Variants in RANBP2 observed in about 807,000 individuals in gnomAD.
The protein encoded by RANBP2 is E3 SUMO-protein ligase RanBP2.
In RANBP2, 57 loss-of-function variants were observed where a neutral mutation model predicts 303.6. The observed-to-expected ratio is 0.19, with a 90% CI of 0.15 to 0.23. The LOEUF (loss-of-function observed/expected upper bound fraction) is 0.23. Among genes scored for constraint, RANBP2 ranks in the 10% least tolerant of loss-of-function variants. RANBP2 has a pLI of 1.00. For synonymous variants in RANBP2, 1,167 were observed against 1,301.5 expected, an observed-to-expected ratio of 0.90 and a Z score of 2.23; for missense variants, 3,138 against 3,780.8, an observed-to-expected ratio of 0.83 and a Z score of 4.46.
At chr2:109,395,456 G>A in the RANBP2 span, among the ~76,000 whole-genome samples, 1 of 152,190 alleles carries the variant, frequency 6.6e-6, no homozygotes, top group South Asian at 2.1e-4. Flanking sequence ...AGGGATGCTG[G>A]GGATGCTGAA....
chr2:108,786,370 C>T (rs996256860), downstream of RANBP2, among the ~76,000 whole-genome samples: 3 of 151,634 alleles, frequency 2.0e-5, no homozygotes, highest in Non-Finnish European at 4.4e-5. Flanking sequence ...GCCGGGACTA[C>T]ACGCGCGCCA....
chr2:109,437,052 C>T, the RANBP2 span: 26 of 1,613,830 alleles, frequency 1.6e-5, no homozygotes, highest in Admixed American at 8.3e-5. Flanking sequence ...CCCAGGCCCA[C>T]GCCCAGCACC....
At chr2:109,129,689 C>G in the RANBP2 span, 1 of 1,526,042 alleles carries the variant, frequency 6.6e-7, no homozygotes, top group Non-Finnish European at 8.8e-7. Flanking sequence ...GACGAGTCGT[C>G]GCTGCTGGAC....
At chr2:109,247,841 TC>T in the RANBP2 span, among the ~76,000 whole-genome samples, 1 of 152,326 alleles carries the variant, frequency 6.6e-6, no homozygotes, top group Non-Finnish European at 1.5e-5. Flanking sequence ...TGGCCTGGGT[TC>T]CTCTCCACAT....
the RANBP2 span, among the ~76,000 whole-genome samples, chr2:108,849,857 C>T: frequency 1.3e-5 from 2 of 152,142 alleles, no homozygotes; most frequent in South Asian, 4.1e-4. Flanking sequence ...AAGAAAGAAG[C>T]CTGAATGCTG....
At chr2:109,275,637 C>G in the RANBP2 span, among the ~76,000 whole-genome samples, 1 of 152,206 alleles carries the variant, frequency 6.6e-6, no homozygotes, top group South Asian at 2.1e-4. Context: ...AACGGTTGCA[C>G]TTCCAAGTTC....
the RANBP2 span, among the ~76,000 whole-genome samples, chr2:109,253,110 C>T: frequency 1.3e-5 from 2 of 152,118 alleles, no homozygotes; most frequent in Non-Finnish European, 2.9e-5. Context: ...TCACTGCAAC[C>T]TCCACCTCAC....
the RANBP2 span, among the ~76,000 whole-genome samples, chr2:109,563,118 C>T: frequency 3.3e-5 from 5 of 152,252 alleles, no homozygotes; most frequent in African/African-American, 4.8e-5. Flanking sequence ...ACCATGTTGG[C>T]CAGGCTGGTC....
the RANBP2 span, among the ~76,000 whole-genome samples, chr2:109,223,699 C>T: frequency 5.6e-4 from 85 of 152,266 alleles, 1 homozygote; most frequent in African/African-American, 1.8e-3. Context: ...GATGCTGCCC[C>T]AACGTGGAGA....
the RANBP2 span, among the ~76,000 whole-genome samples, chr2:109,420,628 G>A: frequency 1.3e-5 from 2 of 152,092 alleles, no homozygotes; most frequent in South Asian, 2.1e-4. Context: ...TGTATTTTTA[G>A]TAGAGATGGG....
the RANBP2 span, among the ~76,000 whole-genome samples, chr2:109,050,146 C>CTGTATAATATCTCAATTGTT: frequency 1.3e-5 from 2 of 150,300 alleles, no homozygotes; most frequent in Admixed American, 6.6e-5. Flanking sequence ...TATGAAAAAA[C>CTGTATAATATCTCAATTGTT]TGTATAATAT....
chr2:109,520,603 AAAAAAAAAAAAAAAAAAAAAAG>A, the RANBP2 span, among the ~76,000 whole-genome samples: 1 of 130,824 alleles, frequency 7.6e-6, no homozygotes, highest in Non-Finnish European at 1.7e-5. Context: ...CATCTCAAAA[AAAAAAAAAAAAAAAAAAAAAAG>A]AAAAAAAAGA....
chr2:108,749,806 C>G (rs1406673349), intron 9 of RANBP2, among the ~76,000 whole-genome samples: 1 of 152,076 alleles, frequency 6.6e-6, no homozygotes, highest in African/African-American at 2.4e-5. Context: ...GTTGCCCAGG[C>G]TAGTCTTGAA....
At chr2:109,165,687 C>T in the RANBP2 span, among the ~76,000 whole-genome samples, 1 of 152,226 alleles carries the variant, frequency 6.6e-6, no homozygotes, top group East Asian at 1.9e-4. Flanking sequence ...AGCAGGTCCC[C>T]CATGGCCTGG....
the RANBP2 span, among the ~76,000 whole-genome samples, chr2:109,583,937 C>T: frequency 6.6e-6 from 1 of 152,086 alleles, no homozygotes; most frequent in Non-Finnish European, 1.5e-5. Flanking sequence ...GGGATCTAAA[C>T]ATTGGGTACA....
chr2:109,398,892 C>T, the RANBP2 span: 111 of 1,613,578 alleles, frequency 6.9e-5, 1 homozygote, highest in African/African-American at 9.3e-5. Flanking sequence ...ATCCCCGAGC[C>T]GCGGCCAGGA....
chr2:109,606,671 G>GTTT, the RANBP2 span, among the ~76,000 whole-genome samples: 8 of 95,220 alleles, frequency 8.4e-5, no homozygotes, highest in African/African-American at 2.9e-4. Flanking sequence ...AAAATTTTAA[G>GTTT]CTTTTTTTTT....
chr2:109,623,370 A>G, the RANBP2 span, among the ~76,000 whole-genome samples: 2 of 152,034 alleles, frequency 1.3e-5, no homozygotes, highest in African/African-American at 2.4e-5. Context: ...ACTGCTCTCC[A>G]GAGGGGATAT....
chr2:108,730,674 C>G lies in RANBP2; in HGVS notation c.141-100C>G, dbSNP rs183367724. The G allele has an allele frequency of 2.8e-6, 4 of 1,428,408 alleles. No individual in the cohort carries two copies. In the East Asian group the frequency reaches 6.9e-5, roughly 25 times the overall value. The allele number at this position is 1,428,408 out of a possible 1,614,324, so 88.5% of individuals were successfully genotyped here. ...CGGTAGTTTTGAGTAACAATATAAA[C>G]GAGTTTAGTGGTTGCTTTGGTTTAA... On this transcript the variant is annotated intron_variant, in intron 2 of 28. Transcript: ENST00000283195.
Sources: allele counts gnomAD v4.1 joint callset (sites outside exome capture counted in the v4.1 genomes callset), GRCh38; gene constraint gnomAD v4.1.1; transcripts MANE v1.5; gene names NCBI Gene and HGNC (gene_info 2026-07-23, HGNC 2026-07-21).